Variants in PPARGC1A observed in about 807,000 individuals in gnomAD.
PPARGC1A encodes PPARG coactivator 1 alpha, also known as peroxisome proliferator-activated receptor gamma coactivator 1-alpha.
Under a neutral mutation model 88.7 loss-of-function variants are expected in PPARGC1A, and 25 were observed. That is an observed-to-expected ratio of 0.28 (90% CI 0.21 to 0.39). The LOEUF (loss-of-function observed/expected upper bound fraction) is 0.39. Ranked by LOEUF, PPARGC1A falls within the 10% of genes least tolerant of loss-of-function variation. PPARGC1A has a pLI of 1.00. For synonymous variants in PPARGC1A, 363 were observed against 355.6 expected, an observed-to-expected ratio of 1.02 and a Z score of -0.24; for missense variants, 880 against 968.7, an observed-to-expected ratio of 0.91 and a Z score of 1.22.
chr4:24,129,423 T>A, the PPARGC1A span, among the ~76,000 whole-genome samples: 1 of 152,224 alleles, frequency 6.6e-6, no homozygotes, highest in African/African-American at 2.4e-5. Flanking sequence ...ATTATTCTAA[T>A]GTCTAGAAAG....
At chr4:24,341,328 G>A in the PPARGC1A span, among the ~76,000 whole-genome samples, 3,472 of 151,986 alleles carry the variant, frequency 0.023, 110 homozygotes, top group African/African-American at 0.068. Flanking sequence ...TTTTCCTTCA[G>A]TGCTTGTAAA....
chr4:23,917,019 C>T, the PPARGC1A span, among the ~76,000 whole-genome samples: 2 of 152,144 alleles, frequency 1.3e-5, no homozygotes, highest in Non-Finnish European at 2.9e-5. Flanking sequence ...CTCAGTACAA[C>T]GACTGTGTTC....
At chr4:24,278,698 C>T in the PPARGC1A span, among the ~76,000 whole-genome samples, 5 of 152,168 alleles carry the variant, frequency 3.3e-5, no homozygotes, top group African/African-American at 4.8e-5. Flanking sequence ...CAAAGGTCAG[C>T]TTTGATTTTC....
At chr4:23,835,763 G>T (rs774406905) in intron 2 of PPARGC1A, among the ~76,000 whole-genome samples, 3 of 152,086 alleles carry the variant, frequency 2.0e-5, no homozygotes, top group Non-Finnish European at 4.4e-5. Flanking sequence ...CTTGCTATTT[G>T]CTGATGACAC....
the PPARGC1A span, among the ~76,000 whole-genome samples, chr4:24,025,241 G>T: frequency 7.2e-5 from 11 of 152,142 alleles, no homozygotes; most frequent in African/African-American, 2.7e-4. Context: ...AACAAAAGGA[G>T]ACTGGGAGCA....
At chr4:23,898,775 A>G (rs1718908981) in intron 1 of PPARGC1A, among the ~76,000 whole-genome samples, 1 of 152,004 alleles carries the variant, frequency 6.6e-6, no homozygotes, top group Non-Finnish European at 1.5e-5. Flanking sequence ...ATCAGAGTAA[A>G]TTCTTTCTCT....
the PPARGC1A span, among the ~76,000 whole-genome samples, chr4:24,396,028 C>T: frequency 6.6e-6 from 1 of 152,218 alleles, no homozygotes; most frequent in East Asian, 1.9e-4. Flanking sequence ...TGCTCACCTC[C>T]TTCTAGTGCT....
chr4:23,922,852 G>A, the PPARGC1A span, among the ~76,000 whole-genome samples: 10 of 152,184 alleles, frequency 6.6e-5, no homozygotes, highest in Admixed American at 6.5e-4. Context: ...AGTTTGTGCT[G>A]TTTCATGGCA....
chr4:23,930,997 C>T, the PPARGC1A span, among the ~76,000 whole-genome samples: 23 of 152,320 alleles, frequency 1.5e-4, no homozygotes, highest in East Asian at 1.5e-3. Context: ...CACATGCCGC[C>T]GCGTGGAGTG....
chr4:23,874,078 G>GA (rs61037623), intron 2 of PPARGC1A, among the ~76,000 whole-genome samples: 1 of 152,064 alleles, frequency 6.6e-6, no homozygotes, highest in East Asian at 1.9e-4. Context: ...AATTCTGGGG[G>GA]AAAAAATGTT....
At chr4:24,273,725 CTT>C in the PPARGC1A span, among the ~76,000 whole-genome samples, 30,794 of 100,996 alleles carry the variant, frequency 0.3, 4,169 homozygotes, top group East Asian at 0.56. Context: ...CCTTGGGGCA[CTT>C]TTTTTTTTTT....
At chr4:24,246,672 A>G in the PPARGC1A span, among the ~76,000 whole-genome samples, 1 of 152,192 alleles carries the variant, frequency 6.6e-6, no homozygotes, top group Non-Finnish European at 1.5e-5. Flanking sequence ...ATTTGGGGTA[A>G]GATGTAAGGT....
chr4:24,159,444 C>A, the PPARGC1A span, among the ~76,000 whole-genome samples: 1 of 151,912 alleles, frequency 6.6e-6, no homozygotes, highest in African/African-American at 2.4e-5. Flanking sequence ...CTCCTGACCT[C>A]GTGATCTGCC....
At chr4:24,418,670 A>C in the PPARGC1A span, among the ~76,000 whole-genome samples, 1 of 152,224 alleles carries the variant, frequency 6.6e-6, no homozygotes, top group Non-Finnish European at 1.5e-5. Flanking sequence ...TCAAAGATCT[A>C]TTCTAAAGAT....
the PPARGC1A span, among the ~76,000 whole-genome samples, chr4:24,175,161 G>A: frequency 0.11 from 17,381 of 152,080 alleles, 1,366 homozygotes; most frequent in South Asian, 0.28. Context: ...TTACCCAATA[G>A]ACTAAAATGG....
the PPARGC1A span, among the ~76,000 whole-genome samples, chr4:24,034,413 T>G: frequency 5.3e-5 from 8 of 152,196 alleles, no homozygotes; most frequent in African/African-American, 1.9e-4. Flanking sequence ...AATTGGAAAT[T>G]TTAACACCAA....
At chr4:24,067,857 G>A in the PPARGC1A span, among the ~76,000 whole-genome samples, 3 of 152,166 alleles carry the variant, frequency 2.0e-5, no homozygotes, top group South Asian at 2.1e-4. Flanking sequence ...TGTGGAGGCC[G>A]AGCCATGCTT....
the PPARGC1A span, among the ~76,000 whole-genome samples, chr4:24,300,511 T>C: frequency 6.6e-6 from 1 of 152,098 alleles, no homozygotes; most frequent in Admixed American, 6.6e-5. Flanking sequence ...TATAAATGGA[T>C]AATATCAATT....
At chr4:23,865,992 TAGA>T (rs1211076161) in intron 2 of PPARGC1A, 1 of 152,080 alleles carries the variant, frequency 6.6e-6, no homozygotes, top group Non-Finnish European at 1.5e-5. Flanking sequence ...CATGTGCACT[TAGA>T]AGGTGGTGAA....
Sources: allele counts gnomAD v4.1 joint callset (sites outside exome capture counted in the v4.1 genomes callset), GRCh38; gene constraint gnomAD v4.1.1; transcripts MANE v1.5; gene names NCBI Gene and HGNC (gene_info 2026-07-23, HGNC 2026-07-21).